FARS2: variants seen among roughly 807,000 people sequenced by gnomAD.
FARS2 encodes the protein phenylalanine--tRNA ligase, mitochondrial.
FARS2 carries 40 observed loss-of-function variants against 46.4 expected under a neutral mutation model. That is an observed-to-expected ratio of 0.86 (90% CI 0.67 to 1.12). The LOEUF is 1.12. Among genes scored for constraint, FARS2 ranks in the 50% most tolerant of loss-of-function variants. The probability of loss-of-function intolerance (pLI) is 0.00; values close to 1 mark genes in which losing one functional copy is unlikely to be tolerated. For missense variants in FARS2, 513 were observed against 567.9 expected, an observed-to-expected ratio of 0.90 and a Z score of 0.98; for synonymous variants, 234 against 214.9, an observed-to-expected ratio of 1.09 and a Z score of -0.78.
At chr6:5,715,102 A>G (rs1480814403) in intron 6 of FARS2, among the ~76,000 whole-genome samples, 2 of 152,148 alleles carry the variant, frequency 1.3e-5, no homozygotes, top group African/African-American at 2.4e-5. Context: ...TGCCTTAAAT[A>G]TATCAACTTC....
chr6:5,425,482 C>T (rs1218939278), intron 3 of FARS2, among the ~76,000 whole-genome samples: 3 of 152,076 alleles, frequency 2.0e-5, no homozygotes, highest in African/African-American at 7.2e-5. Flanking sequence ...AGTGCTCAGG[C>T]CCTTCAGGGA....
intron 1 of FARS2, among the ~76,000 whole-genome samples, chr6:5,306,596 C>T (rs1417613371): frequency 6.6e-6 from 1 of 152,168 alleles, no homozygotes; most frequent in African/African-American, 2.4e-5. Context: ...CTTGATATAA[C>T]AGTATTTTAT....
chr6:5,475,835 G>A (rs169248), intron 4 of FARS2, among the ~76,000 whole-genome samples: 130,391 of 152,078 alleles, frequency 0.86, 56,031 homozygotes, highest in East Asian at 1. Flanking sequence ...TCCCCTCTCT[G>A]TGTCCCAGTC....
intron 1 of FARS2, among the ~76,000 whole-genome samples, chr6:5,368,007 T>C (rs555505082): frequency 2.0e-5 from 3 of 152,308 alleles, no homozygotes; most frequent in South Asian, 2.1e-4. Context: ...ATACAGAAGT[T>C]ATGCTATGTC....
At chr6:5,253,833 C>CAAAAAAAAAAAA in the FARS2 span, among the ~76,000 whole-genome samples, 1 of 137,776 alleles carries the variant, frequency 7.3e-6, no homozygotes. Context: ...TCATGCTGAG[C>CAAAAAAAAAAAA]AAAAAAAAAA....
rs747010004 is a variant in FARS2 at position 5,369,182 on chromosome 6, G to A, written c.612G>A (p.Glu204=). Residue 204 remains glutamate (E), a splice_region_variant and synonymous_variant, in exon 2 of 7, where the codon GAG becomes GAA. Coordinates refer to ENST00000274680, the MANE Select transcript of FARS2 (RefSeq NM_006567.5). ...CCGTGCGGCTCTTCTCCAAGCATGAGGTGAGTCTTGAGATGTTTCTCATCG... is the reference window on the plus strand; with the variant it reads ...CCGTGCGGCTCTTCTCCAAGCATGAAGTGAGTCTTGAGATGTTTCTCATCG... ...LEAVRLFSKH[E]LFAGIKDGES... The A allele has an allele frequency of 5.6e-6, 9 of 1,604,172 alleles. No homozygotes were observed. Among genetic ancestry groups the A allele is most frequent in the Non-Finnish European group, 7.6e-6 (9 of 1,179,502 alleles).
chr6:5,290,192 T>G (rs763324434), intron 1 of FARS2, among the ~76,000 whole-genome samples: 4 of 152,222 alleles, frequency 2.6e-5, no homozygotes, highest in African/African-American at 9.6e-5. Flanking sequence ...TCAATGACAT[T>G]TTACCCCCAT....
chr6:5,348,367 G>A (rs1757367565), intron 1 of FARS2, among the ~76,000 whole-genome samples: 1 of 151,356 alleles, frequency 6.6e-6, no homozygotes, highest in South Asian at 2.1e-4. Context: ...TAGGAGCTCT[G>A]CCTGCTTCTG....
At chr6:5,504,440 A>T (rs1167522996) in intron 4 of FARS2, among the ~76,000 whole-genome samples, 1 of 40,006 alleles carries the variant, frequency 2.5e-5, no homozygotes, top group Non-Finnish European at 7.9e-5. Flanking sequence ...TTTCCAGTAA[A>T]AAAAAAAAAA....
At chr6:5,513,408 G>A (rs541237859) in intron 4 of FARS2, among the ~76,000 whole-genome samples, 8 of 152,336 alleles carry the variant, frequency 5.3e-5, no homozygotes, top group African/African-American at 1.9e-4. Flanking sequence ...ATACCAGAAA[G>A]TACTGACAGG....
chr6:5,725,481 A>G (rs1760191128), intron 6 of FARS2, among the ~76,000 whole-genome samples: 1 of 152,254 alleles, frequency 6.6e-6, no homozygotes, highest in South Asian at 2.1e-4. Flanking sequence ...CCCGGGCTCC[A>G]GTCCTGGCCA....
chr6:5,470,189 G>T (rs915938850), intron 4 of FARS2, among the ~76,000 whole-genome samples: 2 of 152,066 alleles, frequency 1.3e-5, no homozygotes, highest in Non-Finnish European at 2.9e-5. Flanking sequence ...TTCTGCATCC[G>T]CAGACTCAAC....
chr6:5,259,537 T>C (rs1416457859), upstream of FARS2, among the ~76,000 whole-genome samples: 1 of 152,204 alleles, frequency 6.6e-6, no homozygotes, highest in Admixed American at 6.5e-5. Flanking sequence ...TGAGAGTCAT[T>C]GCTTAAGAGG....
At chr6:5,664,249 G>A (rs1318637386) in intron 6 of FARS2, among the ~76,000 whole-genome samples, 1 of 152,206 alleles carries the variant, frequency 6.6e-6, no homozygotes, top group Non-Finnish European at 1.5e-5. Context: ...TGCTGGAGAG[G>A]AGAGAAAGGG....
intron 6 of FARS2, among the ~76,000 whole-genome samples, chr6:5,733,074 G>A (rs998836846): frequency 1.3e-5 from 2 of 152,184 alleles, no homozygotes; most frequent in Non-Finnish European, 2.9e-5. Context: ...CCAGAAAGAG[G>A]TTTTGTGTGA....
At chr6:5,671,470 C>T (rs919733952) in intron 6 of FARS2, among the ~76,000 whole-genome samples, 6 of 152,186 alleles carry the variant, frequency 3.9e-5, no homozygotes, top group African/African-American at 1.4e-4. Context: ...CCGGAACTTC[C>T]TGGTGTTACA....
At chr6:5,272,555 A>G (rs1396764314) in intron 1 of FARS2, 2 of 152,180 alleles carry the variant, frequency 1.3e-5, no homozygotes, top group African/African-American at 2.4e-5. Flanking sequence ...ATAGATGTAC[A>G]TATTTTTGGG....
intron 4 of FARS2, among the ~76,000 whole-genome samples, chr6:5,539,266 G>C (rs1266951937): frequency 6.6e-6 from 1 of 150,808 alleles, no homozygotes; most frequent in Non-Finnish European, 1.5e-5. Flanking sequence ...GAGTGCAGTG[G>C]CACGATCTCG....
chr6:5,302,760 G>A (rs75236806), intron 1 of FARS2, among the ~76,000 whole-genome samples: 2 of 152,062 alleles, frequency 1.3e-5, no homozygotes, highest in South Asian at 2.1e-4. Context: ...AGGGAGAGTC[G>A]GCTCACGGTG....
Sources: gnomAD v4.1 joint callset for allele counts (sites outside exome capture counted in the v4.1 genomes callset) on GRCh38, gnomAD v4.1.1 for gene constraint, MANE v1.5 for transcripts, NCBI Gene and HGNC (gene_info 2026-07-23, HGNC 2026-07-21) for gene names.